Variants in PPFIBP2 observed in about 807,000 individuals in gnomAD.
The protein encoded by PPFIBP2 is liprin-beta-2.
PPFIBP2 carries 118 observed loss-of-function variants against 118.3 expected under a neutral mutation model. The observed-to-expected ratio is 1.00, with a 90% CI of 0.86 to 1.16. The LOEUF (loss-of-function observed/expected upper bound fraction) is 1.16. Ranked by LOEUF, PPFIBP2 falls within the 50% of genes most tolerant of loss-of-function variation. PPFIBP2 has a pLI of 0.00. For missense variants in PPFIBP2, 1,195 were observed against 1,073.1 expected (o/e 1.11, Z -1.59); for synonymous variants, 414 against 397.4 (o/e 1.04, Z -0.50).
intron 1 of PPFIBP2, among the ~76,000 whole-genome samples, chr11:7,540,029 C>G (rs1338958375): frequency 3.3e-5 from 5 of 152,062 alleles, no homozygotes; most frequent in African/African-American, 1.2e-4. Flanking sequence ...TGTCGGGGCA[C>G]AGCTCATGAA....
At chr11:7,661,666 A>G (rs1854893016), downstream of PPFIBP2, among the ~76,000 whole-genome samples, 1 of 94,520 alleles carries the variant, frequency 1.1e-5, no homozygotes, top group Non-Finnish European at 2.6e-5. Flanking sequence ...TATTAGGTCC[A>G]CTTGGTGCAG....
chr11:7,666,848 C>G, the PPFIBP2 span: 1 of 277,730 alleles, frequency 3.6e-6, no homozygotes, highest in Non-Finnish European at 7.0e-6. Context: ...AGGATGGCTT[C>G]ACTCGGAGCT....
At chr11:7,654,352 C>T (rs1405479683), downstream of PPFIBP2, among the ~76,000 whole-genome samples, 1 of 152,206 alleles carries the variant, frequency 6.6e-6, no homozygotes, top group African/African-American at 2.4e-5. Flanking sequence ...GGTCAGAAGA[C>T]TCTAGTTTGC....
intron 6 of PPFIBP2, among the ~76,000 whole-genome samples, chr11:7,610,793 T>A (rs1184616443): frequency 6.6e-6 from 1 of 152,226 alleles, no homozygotes; most frequent in East Asian, 1.9e-4. Flanking sequence ...CCATTGACAC[T>A]GGATCCAAGG....
intron 3 of PPFIBP2, among the ~76,000 whole-genome samples, chr11:7,590,563 TC>T (rs1341268536): frequency 6.6e-6 from 1 of 152,154 alleles, no homozygotes; most frequent in African/African-American, 2.4e-5. Flanking sequence ...CTGTTCTAGG[TC>T]CTCTAACAGT....
rs80297237 is a variant in PPFIBP2, at chr11:7,597,499, A to T, written c.373-61A>T. 196 of 1,550,962 alleles carry T rather than the reference A, an allele frequency of 1.3e-4. No homozygotes were observed. In the East Asian group the frequency reaches 4.3e-3, roughly 34 times the overall value. ...ATTTAACGGCTCCCCTGAGGTGGGGAGGCTTTCCTGCACCATGTCAAATCC... is the reference window on the plus strand; with the variant it reads ...ATTTAACGGCTCCCCTGAGGTGGGGTGGCTTTCCTGCACCATGTCAAATCC... On this transcript the variant is annotated intron_variant, in intron 4 of 23. Coordinates refer to ENST00000299492, the MANE Select transcript of PPFIBP2 (RefSeq NM_003621.5).
At chr11:7,551,566 G>T (rs1382996005) in intron 2 of PPFIBP2, among the ~76,000 whole-genome samples, 2 of 152,156 alleles carry the variant, frequency 1.3e-5, no homozygotes, top group Non-Finnish European at 2.9e-5. Context: ...TTGTTCTTCA[G>T]TGTTGTGTTG....
intron 1 of PPFIBP2, chr11:7,548,487 C>G (rs1590196817): frequency 6.6e-6 from 1 of 152,224 alleles, no homozygotes. Flanking sequence ...AGCAACTCCT[C>G]CAGTTTACAG....
At chr11:7,665,188 C>A in the PPFIBP2 span, 2 of 489,946 alleles carry the variant, frequency 4.1e-6, no homozygotes, top group South Asian at 4.0e-5. Context: ...AAGGAGGCCC[C>A]AGCAGCCAGT....
At chr11:7,586,514 T>C (rs1430043426) in intron 3 of PPFIBP2, among the ~76,000 whole-genome samples, 2 of 152,198 alleles carry the variant, frequency 1.3e-5, no homozygotes, top group South Asian at 2.1e-4. Flanking sequence ...GAGCACTCTG[T>C]AGTTTTAGTG....
intron 5 of PPFIBP2, chr11:7,597,970 G>A (rs1217515703): frequency 3.3e-6 from 1 of 304,170 alleles, no homozygotes; most frequent in African/African-American, 2.1e-5. Context: ...CGCTCGGCTG[G>A]GGGCCTCACC....
At chr11:7,520,447 C>T (rs1218343378) in intron 1 of PPFIBP2, among the ~76,000 whole-genome samples, 1 of 152,028 alleles carries the variant, frequency 6.6e-6, no homozygotes, top group Non-Finnish European at 1.5e-5. Flanking sequence ...ATCTCTTCAA[C>T]CTTTCAGACC....
In PPFIBP2 at chr11:7,630,893, A is replaced by G. The variant is rs772427625; in HGVS notation, c.965-32A>G. On this transcript the variant is annotated intron_variant, in intron 10 of 23. Transcript: ENST00000299492. The stretch of plus-strand genomic sequence containing the variant: ...TTATAGGTTTCTGAACATGAATTCA[A>G]CAATTCAGTCTTACTACCTTAATGC... 1.3e-5 allele frequency: 20 copies of G among 1,492,034 alleles called. 1 individual carries two copies. In the Middle Eastern group the frequency reaches 1.0e-3, roughly 76 times the overall value. 92.4% of individuals were successfully genotyped at this position (1,492,034 alleles called of 1,614,324 possible).
At chr11:7,575,189 C>T (rs1856137402) in intron 3 of PPFIBP2, among the ~76,000 whole-genome samples, 1 of 152,048 alleles carries the variant, frequency 6.6e-6, no homozygotes, top group African/African-American at 2.4e-5. Context: ...TTCTTTCATC[C>T]AAAAAATGTT....
chr11:7,583,482 G>T lies in PPFIBP2; in HGVS notation c.280-9650G>T, dbSNP rs538891310. ...TGACTCAGTGCATCTATTGGAGTTG[G>T]CAAGGTGAGGACAGTCTTCAAAGAG... On this transcript the variant is annotated intron_variant, in intron 3 of 23. Transcript: ENST00000299492. Among the ~76,000 whole-genome samples the T allele has an allele frequency of 4.6e-5, 7 of 152,254 alleles. No individual in the cohort carries two copies. In the East Asian group the frequency reaches 1.3e-3, roughly 29 times the overall value.
At chr11:7,654,917 G>A (rs538052745), downstream of PPFIBP2, among the ~76,000 whole-genome samples, 2 of 152,286 alleles carry the variant, frequency 1.3e-5, no homozygotes, top group South Asian at 4.1e-4. Flanking sequence ...CAAATCTACA[G>A]TGTCTAAGTA....
chr11:7,544,578 T>A (rs1318120601), intron 1 of PPFIBP2, among the ~76,000 whole-genome samples: 1 of 151,722 alleles, frequency 6.6e-6, no homozygotes, highest in Non-Finnish European at 1.5e-5. Context: ...ATCGAGACCA[T>A]CCTGGCTAAC....
chr11:7,615,830 A>G (rs903176891), intron 6 of PPFIBP2, among the ~76,000 whole-genome samples: 2 of 152,242 alleles, frequency 1.3e-5, no homozygotes, highest in African/African-American at 4.8e-5. Context: ...ACAGACATGC[A>G]CTGTAGACTT....
At chr11:7,551,802 G>A (rs1853028839) in intron 2 of PPFIBP2, among the ~76,000 whole-genome samples, 1 of 152,234 alleles carries the variant, frequency 6.6e-6, no homozygotes, top group Non-Finnish European at 1.5e-5. Context: ...AGGCATTCCT[G>A]AAATGACAGA....
Sources: allele counts gnomAD v4.1 joint callset (sites outside exome capture counted in the v4.1 genomes callset), GRCh38; gene constraint gnomAD v4.1.1; transcripts MANE v1.5; gene names NCBI Gene and HGNC (gene_info 2026-07-23, HGNC 2026-07-21).